FSTL5: variants seen among roughly 807,000 people sequenced by gnomAD.
FSTL5 encodes the protein follistatin like 5.
A neutral mutation model predicts 89.1 loss-of-function variants in FSTL5; 62 were observed. That is an observed-to-expected ratio of 0.70 (90% CI 0.57 to 0.86). The LOEUF (loss-of-function observed/expected upper bound fraction) is 0.86, where lower values mean the gene tolerates loss of function less well. Among genes scored for constraint, FSTL5 ranks in the 40% least tolerant of loss-of-function variants. The probability of loss-of-function intolerance (pLI) is 0.00; values close to 1 mark genes in which losing one functional copy is unlikely to be tolerated. For missense variants in FSTL5, 1,057 were observed against 1,001.6 expected (o/e 1.06, Z -0.75); for synonymous variants, 383 against 346.2 (o/e 1.11, Z -1.18).
chr4:161,551,014 T>C (rs1407568276), intron 8 of FSTL5, among the ~76,000 whole-genome samples: 1 of 152,060 alleles, frequency 6.6e-6, no homozygotes, highest in Non-Finnish European at 1.5e-5. Context: ...TCCAAGTCTT[T>C]GTTATTGTGA....
intron 4 of FSTL5, among the ~76,000 whole-genome samples, chr4:161,779,008 A>G (rs1741522885): frequency 6.6e-6 from 1 of 152,222 alleles, no homozygotes; most frequent in Admixed American, 6.5e-5. Flanking sequence ...GTGGAACTGG[A>G]GGCTGAACTT....
intron 6 of FSTL5, among the ~76,000 whole-genome samples, chr4:161,692,341 C>T (rs564710139): frequency 1.6e-4 from 24 of 148,850 alleles, no homozygotes; most frequent in African/African-American, 5.7e-4. Context: ...ATATGGAGAT[C>T]GTGTGTGTGT....
intron 7 of FSTL5, among the ~76,000 whole-genome samples, chr4:161,604,812 A>G (rs1202947312): frequency 6.6e-6 from 1 of 152,196 alleles, no homozygotes; most frequent in African/African-American, 2.4e-5. Flanking sequence ...ATGTTCTGCT[A>G]GAGCCTGAGC....
intron 4 of FSTL5, among the ~76,000 whole-genome samples, chr4:161,787,029 A>G (rs72979141): frequency 9.9e-4 from 150 of 152,264 alleles, no homozygotes; most frequent in African/African-American, 3.5e-3. Flanking sequence ...GACCAAAGAT[A>G]TTAAGGAAGT....
intron 7 of FSTL5, among the ~76,000 whole-genome samples, chr4:161,595,456 G>C (rs914043965): frequency 6.6e-6 from 1 of 152,046 alleles, no homozygotes; most frequent in Non-Finnish European, 1.5e-5. Flanking sequence ...TTGATGTCTG[G>C]AAAGAGTTGA....
At chr4:161,452,203 C>T (rs1433876156) in intron 15 of FSTL5, among the ~76,000 whole-genome samples, 1 of 152,102 alleles carries the variant, frequency 6.6e-6, no homozygotes, top group Non-Finnish European at 1.5e-5. Context: ...GGGCCAGGTA[C>T]GGTGGCTCAC....
chr4:161,741,691 T>TA (rs970511310), intron 6 of FSTL5, among the ~76,000 whole-genome samples: 15 of 93,246 alleles, frequency 1.6e-4, no homozygotes, highest in Non-Finnish European at 3.9e-4. Context: ...ATTTTTTTTT[T>TA]TTTTTTTTTT....
At chr4:161,622,029 A>G (rs1243339174) in intron 7 of FSTL5, among the ~76,000 whole-genome samples, 1 of 151,914 alleles carries the variant, frequency 6.6e-6, no homozygotes, top group Non-Finnish European at 1.5e-5. Context: ...TAAAAATACT[A>G]GTATTAGAAT....
chr4:161,926,395 T>TG (rs1734123200), intron 3 of FSTL5, among the ~76,000 whole-genome samples: 2 of 25,656 alleles, frequency 7.8e-5, no homozygotes, highest in African/African-American at 2.7e-4. Flanking sequence ...CAGAAGAAGG[T>TG]TTTTTTTTTT....
At chr4:161,450,746 T>A (rs1388427263) in intron 15 of FSTL5, among the ~76,000 whole-genome samples, 1 of 150,258 alleles carries the variant, frequency 6.7e-6, no homozygotes, top group Non-Finnish European at 1.5e-5. Context: ...TCTTCATTTT[T>A]TTTTTTTTTT....
intron 8 of FSTL5, among the ~76,000 whole-genome samples, chr4:161,583,368 C>G (rs77677820): frequency 1.7e-3 from 255 of 152,268 alleles, no homozygotes; most frequent in African/African-American, 6.0e-3. Flanking sequence ...ATAGAGGAAG[C>G]TTATGATATT....
At chr4:161,826,327 T>C (rs1470477909) in intron 4 of FSTL5, among the ~76,000 whole-genome samples, 1 of 152,192 alleles carries the variant, frequency 6.6e-6, no homozygotes. Context: ...GTCCCATGTG[T>C]TGATGAATAG....
intron 1 of FSTL5, among the ~76,000 whole-genome samples, chr4:162,151,144 A>T (rs1733208876): frequency 6.6e-6 from 1 of 152,150 alleles, no homozygotes; most frequent in Admixed American, 6.6e-5. Context: ...ATTCAACTGA[A>T]TCATTAGGGC....
At chr4:161,641,587 G>A (rs575787074) in intron 7 of FSTL5, among the ~76,000 whole-genome samples, 2 of 151,810 alleles carry the variant, frequency 1.3e-5, no homozygotes, top group South Asian at 4.2e-4. Flanking sequence ...CACCTCCCGG[G>A]TTCAAGCGAT....
At chr4:161,976,701 C>G (rs10023884) in intron 3 of FSTL5, among the ~76,000 whole-genome samples, 1 of 151,822 alleles carries the variant, frequency 6.6e-6, no homozygotes, top group African/African-American at 2.4e-5. Context: ...CAGGATGGTC[C>G]TGATCTCCTG....
intron 3 of FSTL5, among the ~76,000 whole-genome samples, chr4:161,976,842 AAAAGG>A (rs1735664900): frequency 6.6e-6 from 1 of 152,150 alleles, no homozygotes; most frequent in Non-Finnish European, 1.5e-5. Flanking sequence ...TATGGAAAAG[AAAAGG>A]AAAGTATTCT....
chr4:161,620,436 C>G (rs754809725), intron 7 of FSTL5, among the ~76,000 whole-genome samples: 8 of 152,126 alleles, frequency 5.3e-5, no homozygotes, highest in Non-Finnish European at 8.8e-5. Flanking sequence ...GGGCAGGTCA[C>G]CTGAGGTCGG....
intron 12 of FSTL5, among the ~76,000 whole-genome samples, chr4:161,488,826 A>C (rs1409440667): frequency 6.6e-6 from 1 of 152,108 alleles, no homozygotes; most frequent in African/African-American, 2.4e-5. Context: ...TTTTGGAAGG[A>C]AGTTTGCTGT....
chr4:161,977,626 A>AG (rs1438272427), intron 3 of FSTL5, among the ~76,000 whole-genome samples: 3 of 111,888 alleles, frequency 2.7e-5, no homozygotes, highest in Admixed American at 9.1e-5. Flanking sequence ...AAAAAAAAAA[A>AG]AAAAAAAAAA....
Sources: gnomAD v4.1 joint callset for allele counts (sites outside exome capture counted in the v4.1 genomes callset) on GRCh38, gnomAD v4.1.1 for gene constraint, MANE v1.5 for transcripts, NCBI Gene and HGNC (gene_info 2026-07-23, HGNC 2026-07-21) for gene names.